Variants in SLC46A1 observed in about 807,000 individuals in gnomAD.
SLC46A1 encodes the protein proton-coupled folate transporter.
In SLC46A1, 17 loss-of-function variants were observed where a neutral mutation model predicts 32.1. The ratio of observed to expected loss-of-function variants is 0.53; its 90% CI spans 0.36 to 0.79. The LOEUF (loss-of-function observed/expected upper bound fraction) is 0.79. SLC46A1 is among the 30% of genes least tolerant of loss of function. The pLI is 0.00. For missense variants in SLC46A1, 517 were observed against 588.2 expected, an observed-to-expected ratio of 0.88 and a Z score of 1.25; for synonymous variants, 240 against 262.7, an observed-to-expected ratio of 0.91 and a Z score of 0.84.
chr17:28,404,998 G>A lies in SLC46A1; in HGVS notation c.699C>T (p.Thr233=). 1 of 1,614,026 alleles carries A rather than the reference G, an allele frequency of 6.2e-7. No homozygotes were observed. Among genetic ancestry groups the A allele is most frequent in the South Asian group, 1.1e-5 (1 of 91,082 alleles). Residue 233 remains threonine, a synonymous_variant, in exon 2 of 5, where the codon ACC becomes ACT. Transcript: ENST00000612814. ...GCCGGGTGGACTTTGGCTCCTTTAA[G>A]GTCTCACCAAAGCAGAAAGCTGCAT... ...TLYAAFCFGE[T]LKEPKSTRLF...
upstream of SLC46A1, chr17:28,406,345 G>A (rs2068262547): frequency 2.4e-6 from 1 of 412,656 alleles, no homozygotes; most frequent in East Asian, 3.9e-5. This position sits in a 1 kb window ranked among gnomAD's most constrained non-coding sequence, Gnocchi z 4.5. Flanking sequence ...CAGCCCGCGG[G>A]ATGACCTCAC....
At position 28,402,260 on chromosome 17, in the gene SLC46A1, C is replaced by T; in HGVS notation, c.1143G>A (p.Lys381=). Residue 381 remains lysine, a synonymous_variant, in exon 3 of 5, where the codon AAG becomes AAA. Transcript: ENST00000612814. ...CACCCTGCTCTGTCTCTCTCACCAG[C>T]TTGGAGAGTTTAGCCCGGATGACAG... ...ITPVIRAKLS[K]LVRETEQGAL... is the part of the protein sequence containing the mutation. The T allele has an allele frequency of 6.2e-7, 1 of 1,613,536 alleles. No homozygotes were observed. Among genetic ancestry groups the T allele is most frequent in the Non-Finnish European group, 8.5e-7 (1 of 1,179,706 alleles).
In SLC46A1 at chr17:28,404,821, T is replaced by C; in HGVS notation, c.876A>G (p.Glu292=). ...AGTCCCAGCAGAGGGGTGTGCTTAG[T>C]TCATAAAGGGTTAAGATGTCCTGGG... ...FGAQDILTLY[E]LSTPLCWDSK... The change falls in exon 2 of 5, where the codon GAA becomes GAG. Residue 292 remains glutamate (E), a synonymous_variant. Coordinates refer to ENST00000612814, the MANE Select transcript of SLC46A1 (RefSeq NM_080669.6). The C allele has an allele frequency of 3.1e-6, 5 of 1,613,882 alleles. No individual in the cohort carries two copies. The highest frequency in any genetic ancestry group is 4.2e-6 in the Non-Finnish European group (5 of 1,179,868).
chr17:28,401,105 C>CTTT, intron 3 of SLC46A1: 1 of 354,004 alleles, frequency 2.8e-6, no homozygotes, highest in Non-Finnish European at 5.5e-6. Context: ...GGTTTATCCT[C>CTTT]TTTGGAATCA....
rs1555589422 is a variant in SLC46A1, at chr17:28,400,726, G to A, written c.1206C>T (p.Ala402=). The change falls in exon 4 of 5, where the codon GCC becomes GCT. Residue 402 remains alanine (A), a synonymous_variant. Transcript: ENST00000612814. The part of the protein sequence containing the change: ...FSAVACVNSL[A]MLTASGIFNS... ...TGAAGATGCCGGAGGCCGTCAGCAT[G>A]GCCAGGCTATTCACACAGGCCACAG... is the stretch of plus-strand genomic sequence containing the variant. The A allele has an allele frequency of 2.5e-6, 4 of 1,599,638 alleles. No homozygotes were observed. Among genetic ancestry groups the A allele is most frequent in the African/African-American group, 2.7e-5 (2 of 74,688 alleles).
At chr17:28,401,014 T>C in intron 3 of SLC46A1, 1 of 503,548 alleles carries the variant, frequency 2.0e-6, no homozygotes, top group Non-Finnish European at 3.5e-6. Flanking sequence ...ACATGTGATC[T>C]GACAGAACCC....
intron 3 of SLC46A1, chr17:28,401,513 T>G (rs2068197196): frequency 1.3e-5 from 2 of 152,412 alleles, no homozygotes; most frequent in Non-Finnish European, 2.9e-5. Context: ...GATGAATGTT[T>G]CCAGACTGGG....
intron 1 of SLC46A1, 34 bp downstream of exon 1, chr17:28,405,853 C>G: frequency 6.5e-7 from 1 of 1,536,360 alleles, no homozygotes; most frequent in South Asian, 1.2e-5. Flanking sequence ...AGACCAGGGC[C>G]CTCCACCTGC....
At position 28,396,023 on chromosome 17, in the gene SLC46A1, T is replaced by C. The variant is rs2068117883; in HGVS notation, c.*3633A>G. On this transcript the variant is annotated 3_prime_UTR_variant, in exon 5 of 5. Coordinates refer to ENST00000612814, the MANE Select transcript of SLC46A1 (RefSeq NM_080669.6). Reference sequence around the variant, plus strand: ...CAGGCTGTGCTTACTTTCAACGGTATCAAGTGAGCCCCAGGGCCCTGGGAC... The same window carrying C: ...CAGGCTGTGCTTACTTTCAACGGTACCAAGTGAGCCCCAGGGCCCTGGGAC... The C allele has an allele frequency of 1.2e-6, 2 of 1,613,912 alleles. No homozygotes were observed. Among genetic ancestry groups the C allele is most frequent in the Middle Eastern group, 1.6e-4 (1 of 6,062 alleles).
At position 28,405,866 on chromosome 17, in the gene SLC46A1, G is replaced by C. The variant is rs1344378402; in HGVS notation, c.228+21C>G. On this transcript the variant is annotated intron_variant, in intron 1 of 4. Transcript: ENST00000612814. ...CCAGACCAGGGCCCTCCACCTGCCAGGCTCCTCGCCGCCCCGCTACCTGCA... is the reference window on the plus strand; with the variant it reads ...CCAGACCAGGGCCCTCCACCTGCCACGCTCCTCGCCGCCCCGCTACCTGCA... 2.6e-6 allele frequency: 4 copies of C among 1,546,374 alleles called. No individual in the cohort carries two copies. The African/African-American group carries it at 4.1e-5, about 16-fold the overall frequency.
upstream of SLC46A1, chr17:28,406,399 G>C (rs933451596): frequency 2.6e-6 from 1 of 379,600 alleles, no homozygotes; most frequent in African/African-American, 2.1e-5. The surrounding 1 kb of genome is among the most constrained non-coding windows in gnomAD (Gnocchi z 4.5). Context: ...CTCCCTCCCG[G>C]CCCAGACACA....
In SLC46A1 at chr17:28,405,171, T is replaced by A. The variant is rs2068242753; in HGVS notation, c.526A>T (p.Ser176Cys). The A allele has an allele frequency of 6.2e-7, 1 of 1,609,560 alleles. No individual in the cohort carries two copies. The highest frequency in any genetic ancestry group is 1.7e-5 in the Admixed American group (1 of 59,174). The change falls in exon 2 of 5, where the codon AGC becomes TGC. Residue 176 changes from serine to cysteine, a missense_variant. Physicochemically the swap from Ser to Cys is moderately radical, Grantham distance 112. Coordinates refer to ENST00000612814, the MANE Select transcript of SLC46A1 (RefSeq NM_080669.6). Reference protein sequence around the residue: ...ASVADVSSSRSRTFRMALLEA... With the variant: ...ASVADVSSSRCRTFRMALLEA... ...AGCAGGGCCATCCGGAAGGTGCGGC[T>A]GCGACTGGAGCTGACATCTGCCACG...
Position 28,397,716 on chromosome 17 carries a change from G to A in SLC46A1, c.*1940C>T, listed in dbSNP as rs1293020763. On this transcript the variant is annotated 3_prime_UTR_variant, in exon 5 of 5. Transcript: ENST00000612814. ...AAAAAGCTGACCCAGAGGCCATACA[G>A]AGCAGGAATATCCCATTGCCCCCTC... 6.6e-6 allele frequency: 1 copy of A among 152,264 alleles called. No individual in the cohort carries two copies. Among genetic ancestry groups the A allele is most frequent in the African/African-American group, 2.4e-5 (1 of 41,450 alleles). 9.4% of individuals were successfully genotyped at this position (152,264 alleles called of 1,614,324 possible).
In SLC46A1 at chr17:28,398,222, A is replaced by G; in HGVS notation, c.*1434T>C. On this transcript the variant is annotated 3_prime_UTR_variant, in exon 5 of 5. Transcript: ENST00000612814. ...GTCCCACTCCCTCCTGAGGTCCCCAAGGGCAGTATTCAGAGAGGTTTCCTG... is the reference window on the plus strand; with the variant it reads ...GTCCCACTCCCTCCTGAGGTCCCCAGGGGCAGTATTCAGAGAGGTTTCCTG... The G allele has an allele frequency of 6.6e-6, 1 of 152,482 alleles. No homozygotes were observed. The highest frequency in any genetic ancestry group is 2.1e-4 in the South Asian group (1 of 4,830). 9.4% of individuals were successfully genotyped at this position (152,482 alleles called of 1,614,324 possible). A position where few individuals can be genotyped will look rare whatever the true frequency, so the allele number is the denominator to read the frequency against.
rs1275538186 is a variant in SLC46A1, at chr17:28,397,261, T to A, written c.*2395A>T. 6.6e-6 allele frequency: 1 copy of A among 152,472 alleles called. No homozygotes were observed. The highest frequency in any genetic ancestry group is 1.5e-5 in the Non-Finnish European group (1 of 68,078). 9.4% of individuals were successfully genotyped at this position (152,472 alleles called of 1,614,324 possible). A position where few individuals can be genotyped will look rare whatever the true frequency, so the allele number is the denominator to read the frequency against. On this transcript the variant is annotated 3_prime_UTR_variant, in exon 5 of 5. Transcript: ENST00000612814. ...GTCACTTAGGGCAGCTTCTCCAACT[T>A]TAACATGCATCCAAGTCACCTGGGA...
intron 3 of SLC46A1, chr17:28,401,105 C>G (rs1567816356): frequency 2.8e-6 from 1 of 353,886 alleles, no homozygotes; most frequent in Admixed American, 3.9e-5. Flanking sequence ...GGTTTATCCT[C>G]TTTGGAATCA....
Position 28,402,327 on chromosome 17 carries a change from G to A in SLC46A1, c.1082-6C>T. On this transcript the variant is annotated splice_region_variant and splice_polypyrimidine_tract_variant and intron_variant, in intron 2 of 4. Transcript: ENST00000612814. ...CAGGAAAAGCAACCCATATCCTGTG[G>A]AGAAACAAACACTCATCAGGAAAAT... The A allele has an allele frequency of 5.6e-6, 9 of 1,612,088 alleles. No individual in the cohort carries two copies. The highest frequency in any genetic ancestry group is 6.8e-6 in the Non-Finnish European group (8 of 1,179,046).
At chr17:28,402,960 A>G (rs1190420875) in intron 2 of SLC46A1, 1 of 152,296 alleles carries the variant, frequency 6.6e-6, no homozygotes. Context: ...ATAAGAGGAA[A>G]GCAGACGGAG....
chr17:28,400,613 A>G lies in SLC46A1; in HGVS notation c.1319T>C (p.Ile440Thr), dbSNP rs2068183679. 1 of 1,613,598 alleles carries G rather than the reference A, an allele frequency of 6.2e-7. No individual in the cohort carries two copies. ...TGGGTTCAGGGCCCTGCATTACCCAATCAGAACAGCCGGGATGAGCAGGAG... is the reference window on the plus strand; with the variant it reads ...TGGGTTCAGGGCCCTGCATTACCCAGTCAGAACAGCCGGGATGAGCAGGAG... Reference protein sequence around the residue: ...AGLLLIPAVLIGMLEKADPHL... With the variant: ...AGLLLIPAVLTGMLEKADPHL... Residue 440 changes from isoleucine (I) to threonine (T), a missense_variant, in exon 4 of 5, where the codon ATT (isoleucine) becomes ACT (threonine). By Grantham distance (89) the Ile-to-Thr change is moderately conservative. Transcript: ENST00000612814.
Sources: gnomAD v4.1 joint callset for allele counts on GRCh38, gnomAD v4.1.1 for gene constraint, Gnocchi (gnomAD v3.1) non-coding constraint, MANE v1.5 for transcripts, NCBI Gene and HGNC (gene_info 2026-07-23, HGNC 2026-07-21) for gene names.